PDLIM5: variants seen among roughly 807,000 people sequenced by gnomAD.
PDLIM5 encodes the protein PDZ and LIM domain protein 5.
In PDLIM5, 34 loss-of-function variants were observed where a neutral mutation model predicts 64.2. The observed-to-expected ratio is 0.53, with a 90% CI of 0.40 to 0.71. The LOEUF (loss-of-function observed/expected upper bound fraction) is 0.71, where lower values mean the gene tolerates loss of function less well. Among genes scored for constraint, PDLIM5 ranks in the 30% least tolerant of loss-of-function variants. The probability of loss-of-function intolerance (pLI) is 0.00; values close to 1 mark genes in which losing one functional copy is unlikely to be tolerated. For synonymous variants in PDLIM5, 253 were observed against 269.1 expected (o/e 0.94, Z 0.59); for missense variants, 683 against 733.6 (o/e 0.93, Z 0.80).
In PDLIM5 at chr4:94,516,686, A is replaced by G. The variant is rs551132394; in HGVS notation, c.97-7038A>G. 8.6e-5 allele frequency among the ~76,000 whole-genome samples: 13 copies of G among 151,932 alleles called. 1 individual carries two copies. In the East Asian group the frequency reaches 2.5e-3, roughly 30 times the overall value. ...CCACAGGTCCCAGATGGCACACACC[A>G]TGCCCATCCAAATTTTTTAATTTTT... On this transcript the variant is annotated intron_variant, in intron 2 of 12. Transcript: ENST00000317968.
At chr4:94,607,856 T>C (rs760632665) in intron 7 of PDLIM5, among the ~76,000 whole-genome samples, 8 of 152,184 alleles carry the variant, frequency 5.3e-5, no homozygotes, top group Non-Finnish European at 1.2e-4. Flanking sequence ...TTAAAGAATT[T>C]TGGGGGAAAA....
intron 8 of PDLIM5, among the ~76,000 whole-genome samples, chr4:94,635,347 C>T (rs1416691625): frequency 6.6e-6 from 1 of 152,148 alleles, no homozygotes; most frequent in Non-Finnish European, 1.5e-5. Context: ...GTGACAGTTT[C>T]CTGACTTGCT....
intron 8 of PDLIM5, among the ~76,000 whole-genome samples, chr4:94,621,033 T>G (rs1238024857): frequency 8.3e-6 from 1 of 120,682 alleles, no homozygotes; most frequent in Non-Finnish European, 1.6e-5. Flanking sequence ...ATGGTGCCAC[T>G]ACACTCCAGC....
intron 9 of PDLIM5, among the ~76,000 whole-genome samples, chr4:94,645,454 A>G (rs1169804899): frequency 6.6e-6 from 1 of 152,208 alleles, no homozygotes; most frequent in Admixed American, 6.5e-5. Flanking sequence ...TACAGATGGA[A>G]ATACAGAGGC....
At chr4:94,486,990 A>T (rs930315606) in intron 2 of PDLIM5, among the ~76,000 whole-genome samples, 1 of 152,174 alleles carries the variant, frequency 6.6e-6, no homozygotes, top group Non-Finnish European at 1.5e-5. Flanking sequence ...GCAACAGAGT[A>T]AGACCCTGTC....
At chr4:94,618,279 G>GGA in intron 8 of PDLIM5, 88 bp downstream of exon 8, 4 of 812,124 alleles carry the variant, frequency 4.9e-6, no homozygotes, top group South Asian at 4.5e-5. Context: ...GAATTCACTG[G>GGA]TAAAACCCAT....
chr4:94,466,808 T>C (rs1245176756), intron 2 of PDLIM5, among the ~76,000 whole-genome samples: 1 of 152,214 alleles, frequency 6.6e-6, no homozygotes, highest in African/African-American at 2.4e-5. Context: ...ACGTTTATGA[T>C]GCTGTAAACA....
At chr4:94,481,078 A>G (rs1281432067) in intron 2 of PDLIM5, among the ~76,000 whole-genome samples, 1 of 152,184 alleles carries the variant, frequency 6.6e-6, no homozygotes, top group African/African-American at 2.4e-5. Flanking sequence ...TTTTAGATAT[A>G]CAAAAATTTA....
At chr4:94,502,087 C>T (rs1289475977) in intron 2 of PDLIM5, among the ~76,000 whole-genome samples, 1 of 151,526 alleles carries the variant, frequency 6.6e-6, no homozygotes, top group Admixed American at 6.6e-5. Context: ...TACTCTTCTT[C>T]TGCTTCCTTT....
rs114007579 is a variant in PDLIM5, at chr4:94,632,741, G to A, written c.1109-7535G>A. On this transcript the variant is annotated intron_variant, in intron 8 of 12. Transcript: ENST00000317968. ...TTCAAAAGTGGAAGAGCAGGGAGGC[G>A]GAAGAGAGGATCAGAGTGATACTAT... Among the ~76,000 whole-genome samples, 272 of 152,282 alleles carry A rather than the reference G, an allele frequency of 1.8e-3. 1 individual carries two copies. The highest frequency in any genetic ancestry group is 6.0e-3 in the African/African-American group (249 of 41,560).
intron 8 of PDLIM5, among the ~76,000 whole-genome samples, chr4:94,630,520 C>T (rs569089849): frequency 5.9e-5 from 9 of 152,172 alleles, no homozygotes; most frequent in South Asian, 4.1e-4. Context: ...ATTACAGGCA[C>T]GCACCACCAT....
chr4:94,507,925 A>G (rs151284282), intron 2 of PDLIM5, among the ~76,000 whole-genome samples: 7 of 152,298 alleles, frequency 4.6e-5, no homozygotes, highest in Non-Finnish European at 8.8e-5. Flanking sequence ...CCTCCTTGGT[A>G]TGGACTTTGC....
At chr4:94,611,454 A>C (rs1738359185) in intron 7 of PDLIM5, among the ~76,000 whole-genome samples, 1 of 152,212 alleles carries the variant, frequency 6.6e-6, no homozygotes, top group Admixed American at 6.5e-5. Context: ...TGCAATTCTG[A>C]GTAATTGTGC....
At chr4:94,556,039 A>G (rs1376007755) in intron 3 of PDLIM5, among the ~76,000 whole-genome samples, 1 of 151,618 alleles carries the variant, frequency 6.6e-6, no homozygotes. Context: ...ATATCTCCTA[A>G]TGCTATCCCT....
chr4:94,536,073 T>A (rs1731296251), intron 3 of PDLIM5, among the ~76,000 whole-genome samples: 2 of 152,174 alleles, frequency 1.3e-5, no homozygotes, highest in Non-Finnish European at 2.9e-5. Flanking sequence ...AACTTAAAAC[T>A]GTGTGCTAGT....
intron 2 of PDLIM5, chr4:94,457,081 C>T: frequency 1.2e-6 from 1 of 849,030 alleles, no homozygotes; most frequent in Non-Finnish European, 1.4e-6. Context: ...AATATATATA[C>T]ACACACATAC....
chr4:94,615,575 C>T (rs965199535), intron 7 of PDLIM5, among the ~76,000 whole-genome samples: 2 of 152,080 alleles, frequency 1.3e-5, no homozygotes, highest in Non-Finnish European at 2.9e-5. Context: ...GTTTGTATAG[C>T]ATAGTGATAG....
At chr4:94,492,620 A>G (rs997867880) in intron 2 of PDLIM5, among the ~76,000 whole-genome samples, 2 of 152,158 alleles carry the variant, frequency 1.3e-5, no homozygotes, top group African/African-American at 4.8e-5. Context: ...TTTCATATAA[A>G]TGGAATCATA....
chr4:94,645,399 C>T (rs60972862), intron 9 of PDLIM5, among the ~76,000 whole-genome samples: 6,796 of 152,262 alleles, frequency 0.045, 279 homozygotes, highest in East Asian at 0.15. Context: ...CTTTTCCATA[C>T]ACTGACTTCT....
Sources: gnomAD v4.1 joint callset for allele counts (sites outside exome capture counted in the v4.1 genomes callset) on GRCh38, gnomAD v4.1.1 for gene constraint, MANE v1.5 for transcripts, NCBI Gene and HGNC (gene_info 2026-07-23, HGNC 2026-07-21) for gene names.